Variants in IGSF21 observed in about 807,000 individuals in gnomAD.
IGSF21 encodes the protein immunoglobin superfamily member 21.
In IGSF21, 28 loss-of-function variants were observed where a neutral mutation model predicts 46.8. The observed-to-expected ratio is 0.60, with a 90% CI of 0.44 to 0.82. The LOEUF is 0.82. IGSF21 is among the 40% of genes least tolerant of loss of function. The probability of loss-of-function intolerance (pLI) is 0.00; values close to 1 mark genes in which losing one functional copy is unlikely to be tolerated. For missense variants in IGSF21, 624 were observed against 665.5 expected, an observed-to-expected ratio of 0.94 and a Z score of 0.69; for synonymous variants, 284 against 273.6, an observed-to-expected ratio of 1.04 and a Z score of -0.38.
At chr1:18,158,174 C>A (rs543962611) in intron 1 of IGSF21, among the ~76,000 whole-genome samples, 6 of 152,222 alleles carry the variant, frequency 3.9e-5, no homozygotes, top group Admixed American at 2.6e-4. Context: ...CACACCTGCC[C>A]TGTCATTCCA....
intron 1 of IGSF21, chr1:18,115,080 T>A (rs2086176684): frequency 6.6e-6 from 1 of 152,282 alleles, no homozygotes; most frequent in South Asian, 2.1e-4. Flanking sequence ...GCTCACTGTC[T>A]CCCCTGTCTC....
intron 2 of IGSF21, among the ~76,000 whole-genome samples, chr1:18,248,659 G>A (rs1306892184): frequency 1.3e-5 from 2 of 152,146 alleles, no homozygotes; most frequent in African/African-American, 2.4e-5. Flanking sequence ...GAGTTCTCCG[G>A]TGCAAGGTGC....
intron 1 of IGSF21, among the ~76,000 whole-genome samples, chr1:18,180,261 C>G (rs188902037): frequency 6.6e-6 from 1 of 152,316 alleles, no homozygotes; most frequent in African/African-American, 2.4e-5. Flanking sequence ...TCTTTGTGCA[C>G]TTAGCATCTA....
At chr1:18,253,531 G>T (rs1389568758) in intron 2 of IGSF21, among the ~76,000 whole-genome samples, 1 of 152,220 alleles carries the variant, frequency 6.6e-6, no homozygotes, top group African/African-American at 2.4e-5. Context: ...ATCCAGCATG[G>T]CTTTCAGAAG....
chr1:18,311,469 C>T (rs1302393348), intron 3 of IGSF21, among the ~76,000 whole-genome samples: 1 of 152,198 alleles, frequency 6.6e-6, no homozygotes. Context: ...AGGCTGCAGG[C>T]TCTGGAGCGG....
At chr1:18,341,886 A>G (rs1296161189) in intron 4 of IGSF21, among the ~76,000 whole-genome samples, 1 of 152,180 alleles carries the variant, frequency 6.6e-6, no homozygotes, top group African/African-American at 2.4e-5. Flanking sequence ...ACCTGAGGCC[A>G]GAGTGGCAAC....
At chr1:18,303,351 G>A (rs1458867294) in intron 3 of IGSF21, among the ~76,000 whole-genome samples, 1 of 152,154 alleles carries the variant, frequency 6.6e-6, no homozygotes, top group African/African-American at 2.4e-5. Context: ...ACTTGCACAA[G>A]AGCTGAGAGC....
In IGSF21 at chr1:18,283,900, T is replaced by C. The variant is rs182496181; in HGVS notation, c.184-7966T>C. Among the ~76,000 whole-genome samples, 274 of 152,236 alleles carry C rather than the reference T, an allele frequency of 1.8e-3. 2 individuals carry two copies. Among genetic ancestry groups the C allele is most frequent in the African/African-American group, 6.4e-3 (266 of 41,532 alleles). ...CAAAAGAAAAAATGATGTTCATTCC[T>C]ATAAAAAAAAATGTTGAAAAGGAGT... On this transcript the variant is annotated intron_variant, in intron 2 of 9. Coordinates refer to ENST00000251296, the MANE Select transcript of IGSF21 (RefSeq NM_032880.5).
chr1:18,273,435 TTTC>T lies in IGSF21; in HGVS notation c.184-18428_184-18426del, dbSNP rs1381389081. 1.2e-3 allele frequency among the ~76,000 whole-genome samples: 148 copies of T among 122,970 alleles called. 1 individual carries two copies. The highest frequency in any genetic ancestry group is 4.4e-3 in the African/African-American group (135 of 30,914). The allele number at this position is 122,970 out of a possible 152,430, so 80.7% of individuals were successfully genotyped here. ...CTTTCTTTTCCTTTCCTTTCCTTTC[TTTC>T]TTTCTCACTTTCTTTCTTTCTCTCT... is the stretch of plus-strand genomic sequence containing the variant. On this transcript the variant is annotated intron_variant, in intron 2 of 9. Coordinates refer to ENST00000251296, the MANE Select transcript of IGSF21 (RefSeq NM_032880.5).
Position 18,334,936 on chromosome 1 carries a change from A to G in IGSF21, c.350A>G (p.His117Arg). Residue 117 changes from histidine (H) to arginine (R), a missense_variant, in exon 4 of 10, where the codon CAT becomes CGT. Physicochemically the swap from His to Arg is conservative, Grantham distance 29. Transcript: ENST00000251296. This position sits in a 1 kb window ranked among gnomAD's most constrained non-coding sequence, Gnocchi z 4.3. ...RISDNGPYECHVGIYDRATRE... is the reference protein window; with the variant it reads ...RISDNGPYECRVGIYDRATRE... ...TCAGACAATGGTCCCTATGAGTGCC[A>G]TGTGGGCATCTACGACCGCGCCACC... is the stretch of plus-strand genomic sequence containing the variant. 6.2e-7 allele frequency: 1 copy of G among 1,614,148 alleles called. No homozygotes were observed. The highest frequency in any genetic ancestry group is 8.5e-7 in the Non-Finnish European group (1 of 1,180,018).
intron 2 of IGSF21, among the ~76,000 whole-genome samples, chr1:18,240,103 C>A (rs969362527): frequency 4.6e-5 from 7 of 152,116 alleles, no homozygotes; most frequent in African/African-American, 1.4e-4. Flanking sequence ...CCTGACAAAA[C>A]CCCATCTCTA....
chr1:18,135,269 T>A (rs1290884498), intron 1 of IGSF21, among the ~76,000 whole-genome samples: 2 of 152,184 alleles, frequency 1.3e-5, no homozygotes, highest in Admixed American at 1.3e-4. Flanking sequence ...TTATTTATTT[T>A]TATTATTATA....
chr1:18,236,476 G>A (rs1045829212), intron 2 of IGSF21, among the ~76,000 whole-genome samples: 2 of 152,232 alleles, frequency 1.3e-5, no homozygotes, highest in African/African-American at 4.8e-5. Context: ...CAGGCGTCAA[G>A]CACTCTCTGT....
rs530026410 is a variant in IGSF21 at position 18,310,646 on chromosome 1, G to T, written c.305+18659G>T. On this transcript the variant is annotated intron_variant, in intron 3 of 9. Coordinates refer to ENST00000251296, the MANE Select transcript of IGSF21 (RefSeq NM_032880.5). Reference sequence around the variant, plus strand: ...CAAATGTTCAGCTTTCAGAGATGCTGCCTGTGCTTGTTTGCCAAGGCTGCT... The same window carrying T: ...CAAATGTTCAGCTTTCAGAGATGCTTCCTGTGCTTGTTTGCCAAGGCTGCT... Among the ~76,000 whole-genome samples, 4 of 152,338 alleles carry T rather than the reference G, an allele frequency of 2.6e-5. No individual in the cohort carries two copies. In the South Asian group the frequency reaches 6.2e-4, roughly 24 times the overall value.
In IGSF21 at chr1:18,348,407, C is replaced by G. The variant is rs76547217; in HGVS notation, c.424+13397C>G. ...TCCAGAGTCAGATCAGCTTCAGCCT[C>G]CCAGGCCCCGCCAGAGCAGGCCTGC... is the stretch of plus-strand genomic sequence containing the variant. On this transcript the variant is annotated intron_variant, in intron 4 of 9. Transcript: ENST00000251296. 5.2e-3 allele frequency among the ~76,000 whole-genome samples: 785 copies of G among 152,320 alleles called. 6 individuals carry two copies. Among genetic ancestry groups the G allele is most frequent in the African/African-American group, 0.018 (753 of 41,564 alleles).
At chr1:18,214,554 C>T (rs1310755650) in intron 1 of IGSF21, among the ~76,000 whole-genome samples, 2 of 152,124 alleles carry the variant, frequency 1.3e-5, no homozygotes, top group Non-Finnish European at 2.9e-5. Flanking sequence ...CTATAAAGAA[C>T]TACATGAAAC....
chr1:18,338,405 T>G (rs962878178), intron 4 of IGSF21, among the ~76,000 whole-genome samples: 5 of 152,090 alleles, frequency 3.3e-5, no homozygotes, highest in African/African-American at 9.7e-5. Context: ...TGGGGTCTCT[T>G]TTGTGCCACA....
chr1:18,149,962 A>C (rs2086506791), intron 1 of IGSF21, among the ~76,000 whole-genome samples: 2 of 152,184 alleles, frequency 1.3e-5, no homozygotes, highest in South Asian at 4.1e-4. Context: ...GCAAGAATGT[A>C]GGCTTTGGGG....
chr1:18,267,597 A>G (rs752920828), intron 2 of IGSF21, among the ~76,000 whole-genome samples: 5 of 152,222 alleles, frequency 3.3e-5, no homozygotes, highest in Non-Finnish European at 5.9e-5. Context: ...AAGCTTGGAA[A>G]AAGGGGAGCA....
Sources: allele counts gnomAD v4.1 joint callset (sites outside exome capture counted in the v4.1 genomes callset), GRCh38; gene constraint gnomAD v4.1.1; non-coding constraint Gnocchi (gnomAD v3.1); transcripts MANE v1.5; gene names NCBI Gene and HGNC (gene_info 2026-07-23, HGNC 2026-07-21).